Variants in TRMT11 observed in about 807,000 individuals in gnomAD.
TRMT11 encodes the protein tRNA methyltransferase 11.
In TRMT11, 53 loss-of-function variants were observed where a neutral mutation model predicts 62.8. The observed-to-expected ratio is 0.84, with a 90% CI of 0.68 to 1.06. TRMT11 has a LOEUF of 1.06. Ranked by LOEUF, TRMT11 falls within the 50% of genes least tolerant of loss-of-function variation. TRMT11 has a pLI of 0.00. For synonymous variants in TRMT11, 188 were observed against 190.3 expected, an observed-to-expected ratio of 0.99 and a Z score of 0.10; for missense variants, 556 against 553.4, an observed-to-expected ratio of 1.00 and a Z score of -0.05.
chr6:126,031,981 C>T (rs577161451), intron 12 of TRMT11, among the ~76,000 whole-genome samples: 7 of 151,904 alleles, frequency 4.6e-5, no homozygotes, highest in East Asian at 1.9e-4. Context: ...GAGAATTTTG[C>T]GGGGAGGTAG....
At position 126,011,273 on chromosome 6, in the gene TRMT11, CA is replaced by C; in HGVS notation, c.782del (p.Gln261ArgfsTer19). 6.2e-7 allele frequency: 1 copy of C among 1,612,144 alleles called. No homozygotes were observed. Among genetic ancestry groups the C allele is most frequent in the Non-Finnish European group, 8.5e-7 (1 of 1,179,142 alleles). ...HGLGKATRKN[Q>X]KWRGPDENIR... Reference sequence around the variant, plus strand: ...TTCAGGAAAGGCTACTAGGAAAAACCAGAAGTGGAGAGGACCAGATGAAAAC... The same window carrying C: ...TTCAGGAAAGGCTACTAGGAAAAACCGAAGTGGAGAGGACCAGATGAAAAC... On this transcript the variant is annotated frameshift_variant, in exon 9 of 13. Transcript: ENST00000334379. LOFTEE classifies it high-confidence loss of function.
upstream of TRMT11, among the ~76,000 whole-genome samples, chr6:126,173,929 TG>T (rs775835598): frequency 2.0e-5 from 3 of 152,174 alleles, no homozygotes; most frequent in Non-Finnish European, 4.4e-5. Flanking sequence ...GAGTCCTGCC[TG>T]GGATCATGTG....
At chr6:126,001,662 G>T (rs1229421504) in intron 7 of TRMT11, among the ~76,000 whole-genome samples, 1 of 151,766 alleles carries the variant, frequency 6.6e-6, no homozygotes, top group East Asian at 1.9e-4. Context: ...ACACATTAAG[G>T]CCATGTAGTA....
At chr6:126,167,834 T>A (rs1400424443) in intron 21 of TRMT11, among the ~76,000 whole-genome samples, 16 of 152,200 alleles carry the variant, frequency 1.1e-4, no homozygotes, top group Non-Finnish European at 2.4e-4. Context: ...TCTGGGTAGG[T>A]TTCCTGATTT....
rs1776134793 is a variant in TRMT11 at position 126,048,895 on chromosome 6, G to A, written c.*1370-4228G>A. 2.0e-5 allele frequency among the ~76,000 whole-genome samples: 3 copies of A among 152,166 alleles called. No homozygotes were observed. The South Asian group carries it at 6.2e-4, about 32-fold the overall frequency. ...CACTTTCTCAGGTTACAGGCTTGCTGTTCCAGTGCAATCATTTGACTCCAG... is the reference window on the plus strand; with the variant it reads ...CACTTTCTCAGGTTACAGGCTTGCTATTCCAGTGCAATCATTTGACTCCAG... On this transcript the variant is annotated intron_variant and NMD_transcript_variant, in intron 16 of 22. Coordinates refer to the TRMT11 transcript ENST00000648977.
intron 21 of TRMT11, among the ~76,000 whole-genome samples, chr6:126,140,547 T>C (rs1194028618): frequency 6.6e-6 from 1 of 152,120 alleles, no homozygotes; most frequent in Non-Finnish European, 1.5e-5. Flanking sequence ...TATTCAGTGG[T>C]TACTGATGTG....
intron 21 of TRMT11, among the ~76,000 whole-genome samples, chr6:126,151,215 T>C (rs1021606043): frequency 6.6e-6 from 1 of 152,192 alleles, no homozygotes; most frequent in African/African-American, 2.4e-5. Flanking sequence ...ACTAGTCCTT[T>C]TCAATTACTA....
intron 21 of TRMT11, among the ~76,000 whole-genome samples, chr6:126,125,521 A>G (rs537640689): frequency 2.6e-5 from 4 of 152,190 alleles, no homozygotes; most frequent in Admixed American, 2.6e-4. Flanking sequence ...TGAATCTCAT[A>G]TATAAATTTA....
intron 11 of TRMT11, among the ~76,000 whole-genome samples, chr6:126,013,867 G>A (rs60979351): frequency 1.1e-3 from 172 of 152,224 alleles, no homozygotes; most frequent in African/African-American, 4.0e-3. Flanking sequence ...CTGTTTTATA[G>A]CTCTTTTGCC....
chr6:126,217,460 C>T, the TRMT11 span, among the ~76,000 whole-genome samples: 1,570 of 152,260 alleles, frequency 0.01, 32 homozygotes, highest in African/African-American at 0.035. Flanking sequence ...ATTGGGGGCA[C>T]CCAAACCTAG....
At chr6:126,063,340 T>C (rs1776592437) in intron 17 of TRMT11, among the ~76,000 whole-genome samples, 1 of 152,206 alleles carries the variant, frequency 6.6e-6, no homozygotes, top group African/African-American at 2.4e-5. Context: ...GACTATACCA[T>C]GTTGTACCAT....
At chr6:126,245,418 G>A in the TRMT11 span, among the ~76,000 whole-genome samples, 2 of 152,326 alleles carry the variant, frequency 1.3e-5, no homozygotes, top group Admixed American at 6.5e-5. Context: ...AGTATCAAAA[G>A]TTATTATAAT....
chr6:126,047,221 G>A (rs1436719047), intron 16 of TRMT11, among the ~76,000 whole-genome samples: 2 of 151,784 alleles, frequency 1.3e-5, no homozygotes, highest in South Asian at 2.1e-4. Context: ...CCCTAATTGG[G>A]AACAGGCATT....
chr6:126,195,650 C>A (rs1367934485), intron 1 of TRMT11, among the ~76,000 whole-genome samples: 1 of 152,188 alleles, frequency 6.6e-6, no homozygotes, highest in Non-Finnish European at 1.5e-5. Flanking sequence ...CATCTTACCC[C>A]TTCCCATAGT....
At chr6:126,161,141 T>C (rs1778185645) in intron 21 of TRMT11, among the ~76,000 whole-genome samples, 1 of 152,152 alleles carries the variant, frequency 6.6e-6, no homozygotes, top group South Asian at 2.1e-4. Flanking sequence ...GCAGGTTTGT[T>C]ACATAGGTAT....
the TRMT11 span, among the ~76,000 whole-genome samples, chr6:126,219,287 C>A: frequency 6.6e-6 from 1 of 152,146 alleles, no homozygotes; most frequent in South Asian, 2.1e-4. Context: ...CATCTTGCTT[C>A]ACCTCCCTCC....
At chr6:126,247,056 C>G in the TRMT11 span, among the ~76,000 whole-genome samples, 1 of 152,138 alleles carries the variant, frequency 6.6e-6, no homozygotes, top group Non-Finnish European at 1.5e-5. Flanking sequence ...TTGAAGAAGG[C>G]AGTGGCCAGA....
Position 125,999,455 on chromosome 6 carries a change from A to G in TRMT11, c.523-2A>G. The G allele has an allele frequency of 6.3e-7, 1 of 1,591,822 alleles. No homozygotes were observed. Among genetic ancestry groups the G allele is most frequent in the Non-Finnish European group, 8.6e-7 (1 of 1,169,450 alleles). The stretch of plus-strand genomic sequence containing the variant: ...CTAACATAAGAAATATCTCTGATTT[A>G]GATTGCAGATGGACAGAGAGAGCTT... On this transcript the variant is annotated splice_acceptor_variant, in intron 6 of 12. Coordinates refer to ENST00000334379, the MANE Select transcript of TRMT11 (RefSeq NM_001031712.3). LOFTEE classifies it high-confidence loss of function.
intron 17 of TRMT11, among the ~76,000 whole-genome samples, chr6:126,107,729 A>G (rs1278399193): frequency 6.6e-6 from 1 of 152,206 alleles, no homozygotes; most frequent in Non-Finnish European, 1.5e-5. Flanking sequence ...TCGAAGCCCA[A>G]TAACCTTTTC....
Sources: gnomAD v4.1 joint callset for allele counts (sites outside exome capture counted in the v4.1 genomes callset) on GRCh38, gnomAD v4.1.1 for gene constraint, MANE v1.5 for transcripts, NCBI Gene and HGNC (gene_info 2026-07-23, HGNC 2026-07-21) for gene names.